The following SELENON variants were observed in gnomAD, a reference collection of about 807,000 sequenced individuals.
SELENON encodes selenoprotein N, 1.
Under a neutral mutation model 59.5 loss-of-function variants are expected in SELENON, and 44 were observed. The observed-to-expected ratio is 0.74, with a 90% confidence interval of 0.58 to 0.95. The LOEUF (loss-of-function observed/expected upper bound fraction) is 0.95. Among genes scored for constraint, SELENON ranks in the 40% least tolerant of loss-of-function variants. The probability of loss-of-function intolerance (pLI) is 0.00; values close to 1 mark genes in which losing one functional copy is unlikely to be tolerated. For missense variants in SELENON, 674 were observed against 721.4 expected (o/e 0.93, Z 0.75); for synonymous variants, 320 against 305.6 (o/e 1.05, Z -0.49).
At chr1:25,813,103 T>G (rs2047980966) in intron 10 of SELENON, among the ~76,000 whole-genome samples, 1 of 152,154 alleles carries the variant, frequency 6.6e-6, no homozygotes, top group Non-Finnish European at 1.5e-5. Flanking sequence ...CACACTTACC[T>G]CTCATAGCTG....
rs1280145008 is a variant in SELENON at position 25,807,451 on chromosome 1, C to G, written c.538-1129C>G. ...CCTTCCACAAAAGGAGATGGGGAAC[C>G]CATCTCCATGGATTTGGCAGTGATG... On this transcript the variant is annotated intron_variant, in intron 4 of 12. Coordinates refer to ENST00000361547, the MANE Select transcript of SELENON (RefSeq NM_020451.3). The surrounding 1 kb of genome is among the most constrained non-coding windows in gnomAD (Gnocchi z 4.5). 6.6e-6 allele frequency among the ~76,000 whole-genome samples: 1 copy of G among 152,180 alleles called. No individual in the cohort carries two copies. The highest frequency in any genetic ancestry group is 1.5e-5 in the Non-Finnish European group (1 of 68,028).
chr1:25,805,935 C>A (rs1159160556), intron 4 of SELENON, among the ~76,000 whole-genome samples: 1 of 152,214 alleles, frequency 6.6e-6, no homozygotes, highest in Non-Finnish European at 1.5e-5. Flanking sequence ...GCACTCTCTC[C>A]CACTCTCTCC....
intron 7 of SELENON, 122 bp downstream of exon 6, chr1:25,809,942 A>C: frequency 5.3e-5 from 68 of 1,271,404 alleles, no homozygotes; most frequent in Non-Finnish European, 7.4e-5. Flanking sequence ...AGCCCATCTC[A>C]TGGGGCTGAC....
chr1:25,813,879 A>C lies in SELENON; in HGVS notation c.1388-2A>C, dbSNP rs1161934967. ...GCCTCACCCTTCTGTCTTCCTGAAC[A>C]GGTTCAGGGCGGACTCTCCGGGAGA... On this transcript the variant is annotated splice_acceptor_variant, in intron 10 of 12. Coordinates refer to ENST00000361547, the MANE Select transcript of SELENON (RefSeq NM_020451.3). LOFTEE classifies it high-confidence loss of function. 1 of 1,611,964 alleles carries C rather than the reference A, an allele frequency of 6.2e-7. No homozygotes were observed. Among genetic ancestry groups the C allele is most frequent in the South Asian group, 1.1e-5 (1 of 91,048 alleles).
Position 25,805,282 on chromosome 1 carries a change from TG to T in SELENON, c.537+11del. ...CAAAGATGGCTTCCTAGGGGTGAGT[TG>T]GGGACCACAGGCAGTGGGGTCATCT... On this transcript the variant is annotated splice_region_variant and intron_variant, in intron 4 of 12. Transcript: ENST00000361547. 1 of 1,613,984 alleles carries T rather than the reference TG, an allele frequency of 6.2e-7. No homozygotes were observed. The highest frequency in any genetic ancestry group is 8.5e-7 in the Non-Finnish European group (1 of 1,179,996).
chr1:25,800,235 G>A lies in SELENON; in HGVS notation c.5G>A (p.Gly2Asp), dbSNP rs1435172502. 2.5e-6 allele frequency: 2 copies of A among 812,358 alleles called. No homozygotes were observed. Among genetic ancestry groups the A allele is most frequent in the Non-Finnish European group, 3.0e-6 (2 of 674,854 alleles). 50.3% of individuals were successfully genotyped at this position (812,358 alleles called of 1,614,324 possible). A position where few individuals can be genotyped will look rare whatever the true frequency, so the allele number is the denominator to read the frequency against. The change falls in exon 1 of 13, where the codon GGC (glycine) becomes GAC (aspartate). Residue 2 changes from glycine to aspartate, a missense_variant. Transcript: ENST00000361547. Reference sequence around the variant, plus strand: ...CAGCCGCCGCCAGCCGCAGCCATGGGCCGGGCCCGGCCGGGCCAACGCGGG... The same window carrying A: ...CAGCCGCCGCCAGCCGCAGCCATGGACCGGGCCCGGCCGGGCCAACGCGGG...
At chr1:25,804,558 A>G (rs2047886604) in intron 3 of SELENON, among the ~76,000 whole-genome samples, 2 of 150,568 alleles carry the variant, frequency 1.3e-5, no homozygotes, top group African/African-American at 2.4e-5. Context: ...GACTTGCCAG[A>G]TCTCTGAGCA....
At position 25,815,457 on chromosome 1, in the gene SELENON, T is replaced by C. The variant is rs572728292; in HGVS notation, c.1603-91T>C. 47 of 1,135,692 alleles carry C rather than the reference T, an allele frequency of 4.1e-5. No individual in the cohort carries two copies. The South Asian group carries it at 5.5e-4, about 13-fold the overall frequency. 70.4% of individuals were successfully genotyped at this position (1,135,692 alleles called of 1,614,324 possible). ...TCAGACAAGGACAGTCAAGGCCTGA[T>C]AGCATCCCTGCTTCTCCCCATAGAA... is the stretch of plus-strand genomic sequence containing the variant. On this transcript the variant is annotated intron_variant, in intron 12 of 12. Transcript: ENST00000361547.
chr1:25,808,665 C>G lies in SELENON; in HGVS notation c.623C>G (p.Pro208Arg), dbSNP rs747286412. 1.2e-6 allele frequency: 2 copies of G among 1,614,002 alleles called. No individual in the cohort carries two copies. The highest frequency in any genetic ancestry group is 1.3e-5 in the African/African-American group (1 of 74,940). ...GTGTTTGCCACCCGCCACTTCCAGC[C>G]CTTCCTTCCCCCGCCAGGCCAGGAG... The change falls in exon 5 of 13, where the codon CCC becomes CGC. Residue 208 changes from proline to arginine, a missense_variant. By Grantham distance (103) the Pro-to-Arg change is moderately radical (BLOSUM62 -2). Coordinates refer to ENST00000361547, the MANE Select transcript of SELENON (RefSeq NM_020451.3).
intron 12 of SELENON, among the ~76,000 whole-genome samples, chr1:25,815,123 C>T (rs1028811091): frequency 1.3e-5 from 2 of 152,166 alleles, no homozygotes; most frequent in African/African-American, 2.4e-5. Context: ...AAGATAAAGA[C>T]ACAGCCCCGT....
At chr1:25,802,685 C>T (rs1316083317) in intron 3 of SELENON, among the ~76,000 whole-genome samples, 1 of 152,214 alleles carries the variant, frequency 6.6e-6, no homozygotes, top group Non-Finnish European at 1.5e-5. Context: ...TCATTTTTGC[C>T]TAGTGCAGTC....
At chr1:25,804,446 G>A (rs1010183118) in intron 3 of SELENON, among the ~76,000 whole-genome samples, 2 of 149,376 alleles carry the variant, frequency 1.3e-5, no homozygotes, top group African/African-American at 5.0e-5. Context: ...CCCTCCGCTG[G>A]CTACACTTTG....
At chr1:25,810,850 A>C (rs1238909004) in intron 7 of SELENON, among the ~76,000 whole-genome samples, 1 of 152,122 alleles carries the variant, frequency 6.6e-6, no homozygotes, top group African/African-American at 2.4e-5. Flanking sequence ...GGGGGCCTGG[A>C]CTGTATGGGA....
At chr1:25,805,629 T>TACTATGATGATTATTTCCCACAC (rs576201315) in intron 4 of SELENON, among the ~76,000 whole-genome samples, 2 of 149,770 alleles carry the variant, frequency 1.3e-5, no homozygotes, top group African/African-American at 5.1e-5. Flanking sequence ...CCGCCCCACA[T>TACTATGATGATTATTTCCCACAC]ACTATGATGA....
At chr1:25,809,911 G>C in intron 7 of SELENON, 91 bp downstream of exon 6, 1 of 1,518,264 alleles carries the variant, frequency 6.6e-7, no homozygotes, top group Non-Finnish European at 9.1e-7. Flanking sequence ...TTCTGTCTCT[G>C]CCCCTTCCTT....
rs1294932852 is a variant in SELENON, at chr1:25,807,929, G to A, written c.538-651G>A. On this transcript the variant is annotated intron_variant, in intron 4 of 12. Transcript: ENST00000361547. The surrounding 1 kb of genome is among the most constrained non-coding windows in gnomAD (Gnocchi z 4.5). ...TAGGGAAGGCCTTTTGCCCAGGGTG[G>A]GGCAGGCTGTACTTAAGGCAGGGCC... is the stretch of plus-strand genomic sequence containing the variant. Among the ~76,000 whole-genome samples the A allele has an allele frequency of 6.6e-6, 1 of 152,232 alleles. No individual in the cohort carries two copies. The highest frequency in any genetic ancestry group is 1.5e-5 in the Non-Finnish European group (1 of 68,036).
At chr1:25,800,895 G>A in intron 1 of SELENON, 148 bp from the exon 2 acceptor site, 1 of 768,312 alleles carries the variant, frequency 1.3e-6, no homozygotes, top group Admixed American at 1.8e-5. Context: ...GCAGTTCAGA[G>A]GCAACATTTG....
At position 25,805,252 on chromosome 1, in the gene SELENON, A is replaced by G. The variant is rs748655554; in HGVS notation, c.514A>G (p.Lys172Glu). The G allele has an allele frequency of 6.2e-7, 1 of 1,614,180 alleles. No homozygotes were observed. The highest frequency in any genetic ancestry group is 1.1e-5 in the South Asian group (1 of 91,074). ...GCCTCTGCTCCCGGAGACCATGACCAAGAGCAAAGATGGCTTCCTAGGGGT... is the reference window on the plus strand; with the variant it reads ...GCCTCTGCTCCCGGAGACCATGACCGAGAGCAAAGATGGCTTCCTAGGGGT... The change falls in exon 4 of 13, where the codon AAG becomes GAG. Residue 172 changes from lysine to glutamate, a missense_variant. Coordinates refer to ENST00000361547, the MANE Select transcript of SELENON (RefSeq NM_020451.3).
intron 2 of SELENON, 58 bp downstream of exon 2, chr1:25,801,218 T>C (rs1174822555): frequency 1.5e-6 from 2 of 1,354,006 alleles, no homozygotes; most frequent in African/African-American, 2.9e-5. Flanking sequence ...GTGTCTTCAC[T>C]GAGCAGGAGC....
Sources: gnomAD v4.1 joint callset for allele counts (sites outside exome capture counted in the v4.1 genomes callset) on GRCh38, gnomAD v4.1.1 for gene constraint, Gnocchi (gnomAD v3.1) non-coding constraint, MANE v1.5 for transcripts, NCBI Gene and HGNC (gene_info 2026-07-23, HGNC 2026-07-21) for gene names.